The following NFKB2 variants were observed in gnomAD, a reference collection of about 807,000 sequenced individuals.
NFKB2 encodes the protein nuclear factor kappa B subunit 2.
Under a neutral mutation model 109.3 loss-of-function variants are expected in NFKB2, and 21 were observed. The observed-to-expected ratio is 0.19, with a 90% CI of 0.14 to 0.28. The LOEUF (loss-of-function observed/expected upper bound fraction) is 0.28, where lower values mean the gene tolerates loss of function less well. NFKB2 is among the 10% of genes least tolerant of loss of function. The pLI is 1.00. For synonymous variants in NFKB2, 478 were observed against 489.9 expected (o/e 0.98, Z 0.32); for missense variants, 806 against 1,185.3 (o/e 0.68, Z 4.70).
chr10:102,401,189 T>C lies in NFKB2; in HGVS notation c.2081T>C (p.Ile694Thr), dbSNP rs1298178977. 1 of 1,593,398 alleles carries C rather than the reference T, an allele frequency of 6.3e-7. No homozygotes were observed. The highest frequency in any genetic ancestry group is 2.2e-5 in the East Asian group (1 of 44,606). ...GGCCTCCCTCTCCCAGGTGCTGACA[T>C]CCATGCTGAAAACGAGGAGCCCCTG... ...TRLLLKAGAD[I>T]HAENEEPLCP... The change falls in exon 19 of 23, where the codon ATC (isoleucine) becomes ACC (threonine). Residue 694 changes from isoleucine (I) to threonine (T), a missense_variant. Ile to Thr is a moderately conservative substitution (Grantham distance 89). Around this residue, in one of 10 missense-constraint regions of NFKB2, gnomAD observed 211 missense variants for 268.7 expected, o/e 0.79. Transcript: ENST00000661543. The surrounding 1 kb of genome is among the most constrained non-coding windows in gnomAD (Gnocchi z 4.2).
In NFKB2 at chr10:102,398,321, CCGGGCT is replaced by C; in HGVS notation, c.852+25_852+30del. On this transcript the variant is annotated intron_variant, in intron 10 of 22. Transcript: ENST00000661543. The surrounding 1 kb of genome is among the most constrained non-coding windows in gnomAD (Gnocchi z 6.6). ...AGGTACCCAGGGCTAGGGCCCGGGCCCGGGCTGGGGGCTAAATTAGGCTAAGGACTC... is the reference window on the plus strand; with the variant it reads ...AGGTACCCAGGGCTAGGGCCCGGGCCGGGGGCTAAATTAGGCTAAGGACTC... The C allele has an allele frequency of 6.2e-7, 1 of 1,614,068 alleles. No individual in the cohort carries two copies. Among genetic ancestry groups the C allele is most frequent in the Non-Finnish European group, 8.5e-7 (1 of 1,179,986 alleles).
In NFKB2 at chr10:102,399,019, C is replaced by T. The variant is rs111338334; in HGVS notation, c.1117+155C>T. 37 of 868,236 alleles carry T rather than the reference C, an allele frequency of 4.3e-5. 4 individuals carry two copies. The highest frequency in any genetic ancestry group is 3.4e-4 in the African/African-American group (20 of 59,174). The allele number at this position is 868,236 out of a possible 1,614,324, so 53.8% of individuals were successfully genotyped here. A position where few individuals can be genotyped will look rare whatever the true frequency, so the allele number is the denominator to read the frequency against. ...CCTGAGATCAGGAGTTCAAGACCAG[C>T]TTGGCCAACAGCGTGAAACCTCGTC... On this transcript the variant is annotated intron_variant, in intron 12 of 22. Transcript: ENST00000661543.
At position 102,401,816 on chromosome 10, in the gene NFKB2, G is replaced by A; in HGVS notation, c.2365G>A (p.Gly789Ser). 2 of 1,613,910 alleles carry A rather than the reference G, an allele frequency of 1.2e-6. No homozygotes were observed. Among genetic ancestry groups the A allele is most frequent in the Non-Finnish European group, 1.7e-6 (2 of 1,179,926 alleles). Residue 789 changes from glycine to serine, a missense_variant, in exon 21 of 23, where the codon GGC becomes AGC. Physicochemically the swap from Gly to Ser is moderately conservative, Grantham distance 56. Transcript: ENST00000661543. This position sits in a 1 kb window ranked among gnomAD's most constrained non-coding sequence, Gnocchi z 4.2. ...GCTGCTAGACGGGCCAGAAGCCCAG[G>A]GCAGCTGGGCAGAGCTGGCAGAGCG... Reference protein sequence around the residue: ...EQLLDGPEAQGSWAELAERLG... With the variant: ...EQLLDGPEAQSSWAELAERLG...
In NFKB2 at chr10:102,397,728, G is replaced by A; in HGVS notation, c.661+43G>A. 1 of 1,584,030 alleles carries A rather than the reference G, an allele frequency of 6.3e-7. No homozygotes were observed. Among genetic ancestry groups the A allele is most frequent in the South Asian group, 1.1e-5 (1 of 88,530 alleles). ...CTGGGGTGCCAGGCCTGGTGGCAGA[G>A]GTGGCATGAGGGGTGACCTCAAGCT... On this transcript the variant is annotated intron_variant, in intron 8 of 22. Transcript: ENST00000661543. This position sits in a 1 kb window ranked among gnomAD's most constrained non-coding sequence, Gnocchi z 4.7.
At position 102,401,193 on chromosome 10, in the gene NFKB2, T is replaced by A. The variant is rs773328166; in HGVS notation, c.2085T>A (p.His695Gln). The A allele has an allele frequency of 8.2e-6, 13 of 1,593,900 alleles. No individual in the cohort carries two copies. In the South Asian group the frequency reaches 1.1e-4, roughly 14 times the overall value. ...TCCCTCTCCCAGGTGCTGACATCCA[T>A]GCTGAAAACGAGGAGCCCCTGTGCC... The part of the protein sequence containing the change: ...RLLLKAGADI[H>Q]AENEEPLCPL... The change falls in exon 19 of 23, where the codon CAT (histidine) becomes CAA (glutamine). Residue 695 changes from histidine (H) to glutamine (Q), a missense_variant. Coordinates refer to ENST00000661543, the MANE Select transcript of NFKB2 (RefSeq NM_001322934.2). The surrounding 1 kb of genome is among the most constrained non-coding windows in gnomAD (Gnocchi z 4.2).
Position 102,400,144 on chromosome 10 carries a change from C to T in NFKB2, c.1534C>T (p.His512Tyr), listed in dbSNP as rs2135437164. Reference protein sequence around the residue: ...SVIEQIVYVIHHAQDLGVVNL... With the variant: ...SVIEQIVYVIYHAQDLGVVNL... ...CATTGAGCAGATAGTCTATGTCATC[C>T]ACCACGCCCAGGACCTCGGCGTTGT... The change falls in exon 15 of 23, where the codon CAC becomes TAC. Residue 512 changes from histidine (H) to tyrosine (Y), a missense_variant. By Grantham distance (83) the His-to-Tyr change is moderately conservative (BLOSUM62 2). Around this residue, in one of 10 missense-constraint regions of NFKB2, gnomAD observed 163 missense variants for 207.1 expected, o/e 0.79. Coordinates refer to ENST00000661543, the MANE Select transcript of NFKB2 (RefSeq NM_001322934.2). The surrounding 1 kb of genome is among the most constrained non-coding windows in gnomAD (Gnocchi z 6.3). The T allele has an allele frequency of 8.1e-6, 13 of 1,614,158 alleles. No homozygotes were observed. The highest frequency in any genetic ancestry group is 1.1e-5 in the Non-Finnish European group (13 of 1,180,018).
At chr10:102,402,209 C>T in intron 22 of NFKB2, 43 bp from the exon 23 acceptor site, 1 of 1,553,142 alleles carries the variant, frequency 6.4e-7, no homozygotes, top group Non-Finnish European at 8.7e-7. Context: ...GGCCGGAGGC[C>T]TGAGGCTTTG....
chr10:102,397,221 T>G lies in NFKB2; in HGVS notation c.396-81T>G. On this transcript the variant is annotated intron_variant, in intron 6 of 22. Transcript: ENST00000661543. The surrounding 1 kb of genome is among the most constrained non-coding windows in gnomAD (Gnocchi z 4.7). ...AATGGCTTCCTTGAGGAAGTAAGGC[T>G]GAGCTGAGCCCTGGCAATGGGAAAG... 1 of 1,552,840 alleles carries G rather than the reference T, an allele frequency of 6.4e-7. No individual in the cohort carries two copies.
intron 12 of NFKB2, 169 bp downstream of exon 12, chr10:102,399,033 T>G: frequency 1.3e-6 from 1 of 786,272 alleles, no homozygotes; most frequent in South Asian, 1.8e-5. Flanking sequence ...GCCAACAGCG[T>G]GAAACCTCGT....
Position 102,401,342 on chromosome 10 carries a change from C to A in NFKB2, c.2223+11C>A. The A allele has an allele frequency of 6.2e-7, 1 of 1,605,668 alleles. No homozygotes were observed. The highest frequency in any genetic ancestry group is 1.1e-5 in the South Asian group (1 of 90,276). On this transcript the variant is annotated intron_variant, in intron 19 of 22. Transcript: ENST00000661543. This position sits in a 1 kb window ranked among gnomAD's most constrained non-coding sequence, Gnocchi z 4.2. ...ACTTGCAGCACCAAGGTGAGGCCAG[C>A]CCGGGACTAGAAGTGCTCTGAGTGA...
In NFKB2 at chr10:102,396,244, C is replaced by A; in HGVS notation, c.22-9C>A. On this transcript the variant is annotated splice_polypyrimidine_tract_variant and intron_variant, in intron 2 of 22. Transcript: ENST00000661543. The surrounding 1 kb of genome is among the most constrained non-coding windows in gnomAD (Gnocchi z 5.9). ...GTCGGATGCCACCCCCAGTCTGTCT[C>A]CAAACCAGGGTCTGGATGGTATTAT... 6.2e-7 allele frequency: 1 copy of A among 1,601,032 alleles called. No homozygotes were observed. The highest frequency in any genetic ancestry group is 1.1e-5 in the South Asian group (1 of 90,698).
At position 102,397,926 on chromosome 10, in the gene NFKB2, T is replaced by C; in HGVS notation, c.662-55T>C. On this transcript the variant is annotated intron_variant, in intron 8 of 22. Coordinates refer to ENST00000661543, the MANE Select transcript of NFKB2 (RefSeq NM_001322934.2). This position sits in a 1 kb window ranked among gnomAD's most constrained non-coding sequence, Gnocchi z 4.7. ...AAGGAATACAAAGCCCCCAGCTTCT[T>C]AAATGTGGCCTTGGCTATTGCATCA... is the stretch of plus-strand genomic sequence containing the variant. 2 of 1,566,416 alleles carry C rather than the reference T, an allele frequency of 1.3e-6. No homozygotes were observed. Among genetic ancestry groups the C allele is most frequent in the Non-Finnish European group, 1.8e-6 (2 of 1,137,930 alleles).
In NFKB2 at chr10:102,400,407, G is replaced by A. The variant is rs774941850; in HGVS notation, c.1714G>A (p.Ala572Thr). 3.6e-5 allele frequency: 58 copies of A among 1,613,116 alleles called. 1 individual carries two copies. In the East Asian group the frequency reaches 1.2e-3, roughly 33 times the overall value. The change falls in exon 16 of 23, where the codon GCT becomes ACT. Residue 572 changes from alanine (A) to threonine (T), a missense_variant. By Grantham distance (58) the Ala-to-Thr change is moderately conservative (BLOSUM62 0). Transcript: ENST00000661543. The surrounding 1 kb of genome is among the most constrained non-coding windows in gnomAD (Gnocchi z 6.3). ...SAMHLALRAG[A>T]GAPELLRALL... Reference sequence around the variant, plus strand: ...CATGCATCTGGCGCTGCGGGCAGGCGCTGGTGCTCCTGAGCTGCTGCGTGC... The same window carrying A: ...CATGCATCTGGCGCTGCGGGCAGGCACTGGTGCTCCTGAGCTGCTGCGTGC...
chr10:102,396,158 G>A lies in NFKB2; in HGVS notation c.22-95G>A, dbSNP rs2061106847. On this transcript the variant is annotated intron_variant, in intron 2 of 22. Transcript: ENST00000661543. The surrounding 1 kb of genome is among the most constrained non-coding windows in gnomAD (Gnocchi z 5.9). ...GGAGCTTTCTCTTGGGTCTGAGGAGGAGGGGGGAGTGACCACTGAAGACTT... is the reference window on the plus strand; with the variant it reads ...GGAGCTTTCTCTTGGGTCTGAGGAGAAGGGGGGAGTGACCACTGAAGACTT... 3 of 1,475,496 alleles carry A rather than the reference G, an allele frequency of 2.0e-6. No homozygotes were observed. Among genetic ancestry groups the A allele is most frequent in the Admixed American group, 3.5e-5 (2 of 57,444 alleles). 91.4% of individuals were successfully genotyped at this position (1,475,496 alleles called of 1,614,324 possible).
At position 102,400,353 on chromosome 10, in the gene NFKB2, G is replaced by A; in HGVS notation, c.1660G>A (p.Ala554Thr). ...SFLLRVGADP[A>T]LLDRHGDSAM... ...TCTGCTGCGGGTAGGTGCAGACCCA[G>A]CTCTGCTGGATCGGCATGGAGACTC... Residue 554 changes from alanine (A) to threonine (T), a missense_variant, in exon 16 of 23, where the codon GCT (alanine) becomes ACT (threonine). By Grantham distance (58) the Ala-to-Thr change is moderately conservative. Coordinates refer to ENST00000661543, the MANE Select transcript of NFKB2 (RefSeq NM_001322934.2). This position sits in a 1 kb window ranked among gnomAD's most constrained non-coding sequence, Gnocchi z 6.3. 2 of 1,613,914 alleles carry A rather than the reference G, an allele frequency of 1.2e-6. No homozygotes were observed. The highest frequency in any genetic ancestry group is 8.5e-7 in the Non-Finnish European group (1 of 1,180,018).
chr10:102,397,740 G>T lies in NFKB2; in HGVS notation c.661+55G>T. 6.4e-7 allele frequency: 1 copy of T among 1,571,282 alleles called. No homozygotes were observed. The highest frequency in any genetic ancestry group is 1.2e-5 in the South Asian group (1 of 86,926). ...GCCTGGTGGCAGAGGTGGCATGAGG[G>T]GTGACCTCAAGCTGTGCAGTCAAAC... On this transcript the variant is annotated intron_variant, in intron 8 of 22. Coordinates refer to ENST00000661543, the MANE Select transcript of NFKB2 (RefSeq NM_001322934.2). This position sits in a 1 kb window ranked among gnomAD's most constrained non-coding sequence, Gnocchi z 4.7.
chr10:102,396,113 C>G lies in NFKB2; in HGVS notation c.21+133C>G, dbSNP rs2061105760. The G allele has an allele frequency of 2.0e-5, 29 of 1,457,776 alleles. 2 individuals are homozygous for G. The South Asian group carries it at 3.2e-4, about 16-fold the overall frequency. The allele number at this position is 1,457,776 out of a possible 1,614,324, so 90.3% of individuals were successfully genotyped here. A position where few individuals can be genotyped will look rare whatever the true frequency, so the allele number is the denominator to read the frequency against. Reference sequence around the variant, plus strand: ...TCAGCCTGCCAGTCTGTCCATCTGTCTGCAACTCTGCCTCCAAAAGGAGCT... The same window carrying G: ...TCAGCCTGCCAGTCTGTCCATCTGTGTGCAACTCTGCCTCCAAAAGGAGCT... On this transcript the variant is annotated intron_variant, in intron 2 of 22. Transcript: ENST00000661543. The surrounding 1 kb of genome is among the most constrained non-coding windows in gnomAD (Gnocchi z 5.9).
In NFKB2 at chr10:102,397,445, G is replaced by GGGGT; in HGVS notation, c.502+46_502+49dup. ...GGGGGTGGGTCGGGTATGGGTGCAG[G>GGGGT]GGGTGGGTGGGTCATGGGAGGTGCT... On this transcript the variant is annotated intron_variant, in intron 7 of 22. Coordinates refer to ENST00000661543, the MANE Select transcript of NFKB2 (RefSeq NM_001322934.2). This position sits in a 1 kb window ranked among gnomAD's most constrained non-coding sequence, Gnocchi z 4.7. 1 of 1,600,988 alleles carries GGGGT rather than the reference G, an allele frequency of 6.2e-7. No homozygotes were observed.
At position 102,397,160 on chromosome 10, in the gene NFKB2, G is replaced by A; in HGVS notation, c.395+105G>A. 1 of 1,554,928 alleles carries A rather than the reference G, an allele frequency of 6.4e-7. No homozygotes were observed. Among genetic ancestry groups the A allele is most frequent in the Non-Finnish European group, 8.7e-7 (1 of 1,143,344 alleles). ...CATCTGACCAAGGGGAAAGATGTAG[G>A]TTGGCCCCAAACCCAAGGGCCTAAG... On this transcript the variant is annotated intron_variant, in intron 6 of 22. Transcript: ENST00000661543. The surrounding 1 kb of genome is among the most constrained non-coding windows in gnomAD (Gnocchi z 4.7).
Sources: gnomAD v4.1 joint callset for allele counts on GRCh38, gnomAD v4.1.1 for gene constraint, gnomAD v4.1.1 regional missense constraint, Gnocchi (gnomAD v3.1) non-coding constraint, MANE v1.5 for transcripts, NCBI Gene and HGNC (gene_info 2026-07-23, HGNC 2026-07-21) for gene names.